ASH2L: variants seen among roughly 807,000 people sequenced by gnomAD.
The protein encoded by ASH2L is ASH2 like, histone lysine methyltransferase complex subunit.
Under a neutral mutation model 81.1 loss-of-function variants are expected in ASH2L, and 30 were observed. The ratio of observed to expected loss-of-function variants is 0.37; its 90% CI spans 0.28 to 0.50. The LOEUF (loss-of-function observed/expected upper bound fraction) is 0.50. Among genes scored for constraint, ASH2L ranks in the 20% least tolerant of loss-of-function variants. ASH2L has a pLI of 0.95. For synonymous variants in ASH2L, 273 were observed against 279.9 expected (o/e 0.98, Z 0.24); for missense variants, 559 against 792.1 (o/e 0.71, Z 3.53).
intron 7 of ASH2L, among the ~76,000 whole-genome samples, chr8:38,115,638 A>G (rs1180227467): frequency 6.6e-6 from 1 of 152,038 alleles, no homozygotes; most frequent in African/African-American, 2.4e-5. Flanking sequence ...CTGTCTCTCA[A>G]AAAAGAAAAT....
At chr8:38,106,121 A>G in intron 1 of ASH2L, 1 of 1,527,848 alleles carries the variant, frequency 6.5e-7, no homozygotes, top group Non-Finnish European at 8.8e-7. Context: ...AACCTCTCCC[A>G]GGACCAACTC....
intron 12 of ASH2L, among the ~76,000 whole-genome samples, chr8:38,129,903 A>G (rs1038472617): frequency 4.6e-5 from 7 of 152,220 alleles, no homozygotes; most frequent in South Asian, 2.1e-4. Context: ...GTTTGGGGCT[A>G]CTATGAGCAA....
rs1394196258 is a variant in ASH2L at position 38,114,218 on chromosome 8, C to T, written c.612C>T (p.Tyr204=). ...DKDIIPFIDK[Y]WECMTTRQRP... The stretch of plus-strand genomic sequence containing the variant: ...ATATTATACCATTTATTGATAAATA[C>T]TGGGAGTGCATGACAACCAGACAGA... The change falls in exon 6 of 16, where the codon TAC becomes TAT. Residue 204 remains tyrosine, a synonymous_variant. Coordinates refer to ENST00000343823, the MANE Select transcript of ASH2L (RefSeq NM_004674.5). 1 of 1,601,462 alleles carries T rather than the reference C, an allele frequency of 6.2e-7. No homozygotes were observed. Among genetic ancestry groups the T allele is most frequent in the Non-Finnish European group, 8.5e-7 (1 of 1,173,552 alleles).
At chr8:38,135,601 CT>C in intron 13 of ASH2L, 66 bp from the exon 14 acceptor site, 1 of 1,196,810 alleles carries the variant, frequency 8.4e-7, no homozygotes, top group Non-Finnish European at 1.2e-6. Flanking sequence ...ACATATTTTC[CT>C]AGAGAGTTCT....
intron 10 of ASH2L, chr8:38,124,363 A>C (rs1172345531): frequency 6.6e-6 from 1 of 151,404 alleles, no homozygotes; most frequent in African/African-American, 2.4e-5. Flanking sequence ...ACATCACTGC[A>C]CCCAGCTAAA....
At chr8:38,138,793 T>G in intron 14 of ASH2L, 23 bp from the exon 15 acceptor site, 2 of 1,609,078 alleles carry the variant, frequency 1.2e-6, no homozygotes, top group Non-Finnish European at 1.7e-6. Flanking sequence ...TTTCCATGTC[T>G]GCTTGAATTG....
rs957937303 is a variant in ASH2L, at chr8:38,108,729, C to G, written c.401+1563C>G. ...CCAGCTACTCGGGAGGCAGGAAAATCACTTGAACCCGGGAAGCAGAGGTTG... is the reference window on the plus strand; with the variant it reads ...CCAGCTACTCGGGAGGCAGGAAAATGACTTGAACCCGGGAAGCAGAGGTTG... On this transcript the variant is annotated intron_variant, in intron 3 of 15. Transcript: ENST00000343823. Among the ~76,000 whole-genome samples the G allele has an allele frequency of 2.6e-5, 4 of 151,996 alleles. No individual in the cohort carries two copies. The South Asian group carries it at 8.3e-4, about 32-fold the overall frequency.
intron 10 of ASH2L, among the ~76,000 whole-genome samples, chr8:38,126,865 A>C (rs921426984): frequency 6.6e-6 from 1 of 151,162 alleles, no homozygotes. Context: ...AAAAAGAAAG[A>C]AAGTTTGAAA....
chr8:38,122,311 C>T (rs1801660381), intron 10 of ASH2L: 1 of 152,062 alleles, frequency 6.6e-6, no homozygotes, highest in African/African-American at 2.4e-5. Context: ...TGCCCCAGGC[C>T]TACTTCTTTC....
chr8:38,106,004 T>C, intron 1 of ASH2L: 1 of 1,531,410 alleles, frequency 6.5e-7, no homozygotes, highest in Non-Finnish European at 8.7e-7. Context: ...AGCTCACACT[T>C]TAACGGGAGG....
intron 5 of ASH2L, among the ~76,000 whole-genome samples, chr8:38,111,955 A>G (rs2130486160): frequency 6.6e-6 from 1 of 152,334 alleles, no homozygotes; most frequent in South Asian, 2.1e-4. Context: ...GGATCTGGTC[A>G]GGATCACCCA....
At chr8:38,123,399 A>G (rs368298139) in intron 10 of ASH2L, 2 of 152,184 alleles carry the variant, frequency 1.3e-5, no homozygotes, top group African/African-American at 4.8e-5. Context: ...CAGAATTTCT[A>G]ATCCCTGGGA....
At position 38,107,868 on chromosome 8, in the gene ASH2L, ATGTGTG is replaced by A. The variant is rs10542885; in HGVS notation, c.401+734_401+739del. Among the ~76,000 whole-genome samples the A allele has an allele frequency of 5.8e-3, 814 of 141,498 alleles. 6 individuals carry two copies. Among genetic ancestry groups the A allele is most frequent in the African/African-American group, 0.018 (694 of 38,698 alleles). The allele number at this position is 141,498 out of a possible 152,430, so 92.8% of individuals were successfully genotyped here. On this transcript the variant is annotated intron_variant, in intron 3 of 15. Coordinates refer to ENST00000343823, the MANE Select transcript of ASH2L (RefSeq NM_004674.5). ...GGTGAGATTGTGAAGAAATACATAT[ATGTGTG>A]TGTGTGTGTGTGTGTGTGTGTGTGT...
intron 10 of ASH2L, among the ~76,000 whole-genome samples, chr8:38,125,608 C>CAA (rs11304330): frequency 2.7e-5 from 4 of 146,946 alleles, no homozygotes; most frequent in African/African-American, 7.5e-5. Flanking sequence ...AACTCCATCT[C>CAA]AAAAAAAAAA....
At position 38,110,405 on chromosome 8, in the gene ASH2L, A is replaced by G; in HGVS notation, c.428A>G (p.Tyr143Cys). 6.2e-7 allele frequency: 1 copy of G among 1,614,174 alleles called. No individual in the cohort carries two copies. The highest frequency in any genetic ancestry group is 8.5e-7 in the Non-Finnish European group (1 of 1,180,002). The change falls in exon 4 of 16, where the codon TAC becomes TGC. Residue 143 changes from tyrosine to cysteine, a missense_variant. Around this residue, in one of 4 missense-constraint regions of ASH2L, gnomAD observed 318 missense variants for 527.0 expected, o/e 0.60. Coordinates refer to ENST00000343823, the MANE Select transcript of ASH2L (RefSeq NM_004674.5). ...TSSCLPFMTN[Y>C]SFHCNVCHHS... ...TCCTGTCTACCTTTCATGACCAACT[A>G]CAGTTTTCATTGCAACGTCTGCCAT...
chr8:38,106,191 C>A, intron 1 of ASH2L, 187 bp from the exon 2 acceptor site: 1 of 1,500,180 alleles, frequency 6.7e-7, no homozygotes, highest in Non-Finnish European at 9.0e-7. Flanking sequence ...CGTGGGTCCG[C>A]GACTGTCTGA....
In ASH2L at chr8:38,105,576, G is replaced by A. The variant is rs1197383210; in HGVS notation, c.26G>A (p.Gly9Asp). ...ATGGCGGCGGCAGGAGCAGGACCTG[G>A]CCAGGAAGCGGGTGCCGGGCCTGGC... The part of the protein sequence containing the change: MAAAGAGP[G>D]QEAGAGPGPG... The change falls in exon 1 of 16, where the codon GGC (glycine) becomes GAC (aspartate). Residue 9 changes from glycine (G) to aspartate (D), a missense_variant. Gly to Asp is a moderately conservative substitution (Grantham distance 94). Around this residue, in one of 4 missense-constraint regions of ASH2L, gnomAD observed 145 missense variants for 115.5 expected, o/e 1.26. Coordinates refer to ENST00000343823, the MANE Select transcript of ASH2L (RefSeq NM_004674.5). The A allele has an allele frequency of 2.5e-6, 4 of 1,584,034 alleles. No homozygotes were observed. The highest frequency in any genetic ancestry group is 1.7e-6 in the Non-Finnish European group (2 of 1,164,078).
At chr8:38,118,645 A>G (rs1002766146) in intron 8 of ASH2L, among the ~76,000 whole-genome samples, 2 of 152,214 alleles carry the variant, frequency 1.3e-5, no homozygotes, top group Non-Finnish European at 2.9e-5. Context: ...CTTCTTTCTT[A>G]TTTGTGTCAT....
upstream of ASH2L, chr8:38,105,508 G>A (rs1271843726): frequency 1.1e-5 from 17 of 1,495,776 alleles, no homozygotes; most frequent in Admixed American, 9.7e-5. Flanking sequence ...CAACGCGCGC[G>A]AGAGAAGAGA....
Sources: allele counts gnomAD v4.1 joint callset (sites outside exome capture counted in the v4.1 genomes callset), GRCh38; gene constraint gnomAD v4.1.1; regional missense constraint gnomAD v4.1.1; transcripts MANE v1.5; gene names NCBI Gene and HGNC (gene_info 2026-07-23, HGNC 2026-07-21).